Variants in PDE9A observed in about 807,000 individuals in gnomAD.
The protein encoded by PDE9A is phosphodiesterase 9A.
A neutral mutation model predicts 87.4 loss-of-function variants in PDE9A; 60 were observed. That is an observed-to-expected ratio of 0.69 (90% CI 0.56 to 0.85). The LOEUF (loss-of-function observed/expected upper bound fraction) is 0.85. PDE9A is among the 40% of genes least tolerant of loss of function. The pLI is 0.00. For missense variants in PDE9A, 665 were observed against 779.0 expected (o/e 0.85, Z 1.74); for synonymous variants, 272 against 279.4 (o/e 0.97, Z 0.27).
At chr21:42,697,616 G>A (rs918250771) in intron 3 of PDE9A, 5 of 739,186 alleles carry the variant, frequency 6.8e-6, no homozygotes, top group Non-Finnish European at 2.4e-6. Flanking sequence ...TCCAAGATGA[G>A]GGTGTGGGCA....
At chr21:42,706,941 T>C (rs1215365101) in intron 4 of PDE9A, among the ~76,000 whole-genome samples, 4 of 152,304 alleles carry the variant, frequency 2.6e-5, no homozygotes, top group Admixed American at 6.5e-5. Flanking sequence ...TTTGTTCCTT[T>C]ATGGCTGGAT....
At chr21:42,670,433 C>T (rs1485285457) in intron 1 of PDE9A, among the ~76,000 whole-genome samples, 1 of 151,168 alleles carries the variant, frequency 6.6e-6, no homozygotes, top group Non-Finnish European at 1.5e-5. Flanking sequence ...CTTACAGTCA[C>T]ACATACACTT....
intron 4 of PDE9A, among the ~76,000 whole-genome samples, chr21:42,726,612 A>ATTTT (rs1569207248): frequency 8.0e-5 from 2 of 24,872 alleles, no homozygotes; most frequent in African/African-American, 7.4e-4. Context: ...ATATATATAT[A>ATTTT]TATATATATA....
At position 42,764,841 on chromosome 21, in the gene PDE9A, A is replaced by AAT. The variant is rs916444046; in HGVS notation, c.1243-528_1243-527dup. The stretch of plus-strand genomic sequence containing the variant: ...AAGATACAAGTGATCCCCCCAAAAA[A>AAT]ATATATATATATACAGTTGAAATGA... On this transcript the variant is annotated intron_variant, in intron 14 of 19. Transcript: ENST00000291539. Among the ~76,000 whole-genome samples, 9 of 152,124 alleles carry AAT rather than the reference A, an allele frequency of 5.9e-5. No homozygotes were observed. The East Asian group carries it at 1.2e-3, about 20-fold the overall frequency.
Position 42,660,271 on chromosome 21 carries a change from T to C in PDE9A, c.69+6388T>C, listed in dbSNP as rs1044250994. On this transcript the variant is annotated intron_variant, in intron 1 of 19. Coordinates refer to ENST00000291539, the MANE Select transcript of PDE9A (RefSeq NM_002606.3). The surrounding 1 kb of genome is among the most constrained non-coding windows in gnomAD (Gnocchi z 4.7). ...CTGGGCCTGCCCCAGACAAAGCGTG[T>C]CTGCACTCCTTGGCTTTCTCCCCAG... 1.3e-5 allele frequency among the ~76,000 whole-genome samples: 2 copies of C among 152,172 alleles called. No homozygotes were observed. Among genetic ancestry groups the C allele is most frequent in the Non-Finnish European group, 2.9e-5 (2 of 68,028 alleles).
chr21:42,770,305 T>A (rs548154795), intron 17 of PDE9A, among the ~76,000 whole-genome samples: 1 of 152,194 alleles, frequency 6.6e-6, no homozygotes, highest in East Asian at 1.9e-4. Context: ...CCTCCGACCT[T>A]CCTGGGCTCC....
chr21:42,714,990 T>C (rs1749187344), intron 4 of PDE9A, among the ~76,000 whole-genome samples: 1 of 152,232 alleles, frequency 6.6e-6, no homozygotes, highest in Non-Finnish European at 1.5e-5. Flanking sequence ...GTTCATATGG[T>C]TGGGGTTAGC....
At chr21:42,724,648 C>T in intron 4 of PDE9A, 1 of 952,452 alleles carries the variant, frequency 1.0e-6, no homozygotes, top group Non-Finnish European at 1.3e-6. Flanking sequence ...AGTACCACCA[C>T]CTGGGCAGTG....
chr21:42,670,292 TTC>T (rs1258905337), intron 1 of PDE9A, among the ~76,000 whole-genome samples: 2 of 146,328 alleles, frequency 1.4e-5, no homozygotes, highest in Middle Eastern at 3.5e-3. Flanking sequence ...CACATACACA[TTC>T]ACACACATAC....
intron 4 of PDE9A, among the ~76,000 whole-genome samples, chr21:42,712,720 A>G (rs945395832): frequency 3.9e-5 from 6 of 152,086 alleles, no homozygotes; most frequent in Non-Finnish European, 7.4e-5. Flanking sequence ...TTTTTGTCTC[A>G]TGTTCTTTGA....
intron 9 of PDE9A, among the ~76,000 whole-genome samples, chr21:42,753,732 C>T (rs565091247): frequency 1.1e-4 from 16 of 151,908 alleles, no homozygotes; most frequent in Non-Finnish European, 1.8e-4. Flanking sequence ...GGCATGGTGG[C>T]GGGCGCCTGC....
At chr21:42,763,433 C>T (rs143544466) in intron 14 of PDE9A, among the ~76,000 whole-genome samples, 13 of 152,240 alleles carry the variant, frequency 8.5e-5, no homozygotes, top group South Asian at 2.1e-4. Flanking sequence ...CGCATGAAGA[C>T]GCAGTGATTG....
At chr21:42,762,559 G>A (rs1293363240) in intron 14 of PDE9A, among the ~76,000 whole-genome samples, 1 of 152,184 alleles carries the variant, frequency 6.6e-6, no homozygotes, top group Non-Finnish European at 1.5e-5. Context: ...GCAAAGGTAG[G>A]GAGCCTGCCC....
chr21:42,690,375 T>C (rs2059750029), intron 3 of PDE9A, among the ~76,000 whole-genome samples: 1 of 152,032 alleles, frequency 6.6e-6, no homozygotes, highest in Admixed American at 6.6e-5. Context: ...TAGACAGCGA[T>C]GTGGAAATGG....
intron 1 of PDE9A, among the ~76,000 whole-genome samples, chr21:42,670,255 A>G (rs991348678): frequency 1.3e-5 from 2 of 150,306 alleles, no homozygotes; most frequent in East Asian, 1.9e-4. Context: ...ACACATACAT[A>G]CATTCACACA....
chr21:42,717,294 C>CTTTTTTTTTTTTTTTTTTTTTTT (rs57599893), intron 4 of PDE9A, among the ~76,000 whole-genome samples: 1 of 85,168 alleles, frequency 1.2e-5, no homozygotes, highest in Non-Finnish European at 2.1e-5. Flanking sequence ...TGGAACATGC[C>CTTTTTTTTTTTTTTTTTTTTTTT]TTTTTTTTTT....
chr21:42,674,389 T>A (rs2058728658), intron 1 of PDE9A, among the ~76,000 whole-genome samples: 1 of 151,284 alleles, frequency 6.6e-6, no homozygotes, highest in South Asian at 2.1e-4. Flanking sequence ...GAGAAATTCT[T>A]TAACACTCTG....
chr21:42,736,383 T>C (rs914414296), intron 7 of PDE9A, among the ~76,000 whole-genome samples: 2 of 152,132 alleles, frequency 1.3e-5, no homozygotes, highest in Non-Finnish European at 2.9e-5. Flanking sequence ...AAATGGCCCA[T>C]AGGACCTTCC....
chr21:42,670,112 TACAC>T (rs764590935), intron 1 of PDE9A, among the ~76,000 whole-genome samples: 4 of 151,688 alleles, frequency 2.6e-5, no homozygotes, highest in East Asian at 3.9e-4. Flanking sequence ...CACATATGCT[TACAC>T]ACATTCACAG....
Sources: gnomAD v4.1 joint callset for allele counts (sites outside exome capture counted in the v4.1 genomes callset) on GRCh38, gnomAD v4.1.1 for gene constraint, Gnocchi (gnomAD v3.1) non-coding constraint, MANE v1.5 for transcripts, NCBI Gene and HGNC (gene_info 2026-07-23, HGNC 2026-07-21) for gene names.